Variants in GARRE1 observed in about 807,000 individuals in gnomAD.
The protein encoded by GARRE1 is granule associated Rac and RHOG effector 1.
GARRE1 carries 49 observed loss-of-function variants against 103.2 expected under a neutral mutation model. The ratio of observed to expected loss-of-function variants is 0.47; its 90% confidence interval spans 0.38 to 0.60. GARRE1 has a LOEUF of 0.60. Ranked by LOEUF, GARRE1 falls within the 20% of genes least tolerant of loss-of-function variation. GARRE1 has a pLI of 0.00. For synonymous variants in GARRE1, 505 were observed against 532.8 expected (o/e 0.95, Z 0.72); for missense variants, 1,199 against 1,370.5 (o/e 0.87, Z 1.98).
chr19:34,333,774 G>C lies in GARRE1; in HGVS notation c.1334G>C (p.Arg445Thr). 1 of 1,605,576 alleles carries C rather than the reference G, an allele frequency of 6.2e-7. No individual in the cohort carries two copies. Residue 445 changes from arginine to threonine, a missense_variant, in exon 8 of 14, where the codon AGA (arginine) becomes ACA (threonine). Coordinates refer to ENST00000299505, the MANE Select transcript of GARRE1 (RefSeq NM_014686.5). Reference protein sequence around the residue: ...YAPQISLEGSRIVVQVPSTWC... With the variant: ...YAPQISLEGSTIVVQVPSTWC... ...CCCCAGATCAGTTTAGAAGGCTCTA[G>C]AATCGTGGTTCAAGTCCCATCCACA...
At chr19:34,320,847 C>T (rs1201999169) in intron 3 of GARRE1, among the ~76,000 whole-genome samples, 1 of 150,680 alleles carries the variant, frequency 6.6e-6, no homozygotes, top group African/African-American at 2.4e-5. Context: ...CAGCCTCTTC[C>T]AAGTAGCTGG....
intron 1 of GARRE1, among the ~76,000 whole-genome samples, chr19:34,284,703 C>T (rs1168618495): frequency 6.6e-6 from 1 of 152,140 alleles, no homozygotes; most frequent in Non-Finnish European, 1.5e-5. Context: ...TATTTATTTC[C>T]ATGCAGCATG....
Position 34,341,952 on chromosome 19 carries a change from C to T in GARRE1, c.2018C>T (p.Ser673Phe). 6.2e-7 allele frequency: 1 copy of T among 1,614,212 alleles called. No individual in the cohort carries two copies. ...QGSPLVTRHN[S>F]AATAMVTEQK... Reference sequence around the variant, plus strand: ...TCTCCGTTGGTGACAAGGCATAATTCTGCTGCCACAGCCATGGTGACTGAG... The same window carrying T: ...TCTCCGTTGGTGACAAGGCATAATTTTGCTGCCACAGCCATGGTGACTGAG... The change falls in exon 10 of 14, where the codon TCT becomes TTT. Residue 673 changes from serine (S) to phenylalanine (F), a missense_variant. By Grantham distance (155) the Ser-to-Phe change is radical. Transcript: ENST00000299505.
Position 34,271,593 on chromosome 19 carries a change from G to A in GARRE1, c.-796+16979G>A, listed in dbSNP as rs573421351. Among the ~76,000 whole-genome samples the A allele has an allele frequency of 8.1e-4, 124 of 152,244 alleles. 1 individual carries two copies. Among genetic ancestry groups the A allele is most frequent in the African/African-American group, 2.8e-3 (116 of 41,550 alleles). On this transcript the variant is annotated intron_variant, in intron 1 of 13. Coordinates refer to ENST00000299505, the MANE Select transcript of GARRE1 (RefSeq NM_014686.5). ...AAAGAACTAGGAGCTGGGCGCGGTG[G>A]CTCATGTCTGTAGTACCAGCATTTT...
rs757871755 is a variant in GARRE1, at chr19:34,347,954, G to A, written c.2599G>A (p.Gly867Ser). The A allele has an allele frequency of 6.3e-6, 10 of 1,588,964 alleles. No homozygotes were observed. Among genetic ancestry groups the A allele is most frequent in the East Asian group, 2.3e-5 (1 of 42,854 alleles). ...GCAGCAGAAGCGGCAGGCCCAGCAC[G>A]GTCGCCGGCCAGGCAACCCCCGGGG... ...AMQQKRQAQH[G>S]RRPGNPRGNW... Residue 867 changes from glycine (G) to serine (S), a missense_variant, in exon 11 of 14, where the codon GGT (glycine) becomes AGT (serine). Gly to Ser is a moderately conservative substitution (Grantham distance 56, BLOSUM62 0). Coordinates refer to ENST00000299505, the MANE Select transcript of GARRE1 (RefSeq NM_014686.5).
intron 1 of GARRE1, among the ~76,000 whole-genome samples, chr19:34,272,129 C>T (rs1002267113): frequency 7.2e-5 from 11 of 152,148 alleles, no homozygotes; most frequent in Admixed American, 1.3e-4. Context: ...TGGAATAACA[C>T]CTTAAGTTTG....
At chr19:34,349,888 G>C (rs1247814971) in intron 12 of GARRE1, among the ~76,000 whole-genome samples, 1 of 152,012 alleles carries the variant, frequency 6.6e-6, no homozygotes, top group Non-Finnish European at 1.5e-5. Context: ...GTGGGGGGTG[G>C]CATTGACCAA....
intron 10 of GARRE1, among the ~76,000 whole-genome samples, chr19:34,342,765 C>T (rs932626042): frequency 3.3e-5 from 5 of 152,104 alleles, no homozygotes; most frequent in African/African-American, 1.2e-4. Flanking sequence ...GGCCTGCCTA[C>T]TCCCGGCAGC....
At chr19:34,273,705 C>T (rs1404184188) in intron 1 of GARRE1, among the ~76,000 whole-genome samples, 2 of 152,050 alleles carry the variant, frequency 1.3e-5, no homozygotes, top group Non-Finnish European at 2.9e-5. Flanking sequence ...CAGGGTGTTA[C>T]GGCAGCAGAG....
At chr19:34,338,401 G>A (rs910102248) in intron 8 of GARRE1, among the ~76,000 whole-genome samples, 12 of 152,232 alleles carry the variant, frequency 7.9e-5, no homozygotes, top group Non-Finnish European at 1.6e-4. Flanking sequence ...GCCAGGTGCG[G>A]TGGCACACGC....
intron 1 of GARRE1, among the ~76,000 whole-genome samples, chr19:34,298,772 C>T (rs965196142): frequency 6.6e-6 from 1 of 152,114 alleles, no homozygotes; most frequent in Non-Finnish European, 1.5e-5. Flanking sequence ...CGTATTTGAA[C>T]TTTTGTTTGG....
rs753661647 is a variant in GARRE1, at chr19:34,327,517, C to T, written c.802C>T (p.His268Tyr). The change falls in exon 4 of 14, where the codon CAC (histidine) becomes TAC (tyrosine). Residue 268 changes from histidine (H) to tyrosine (Y), a missense_variant. Transcript: ENST00000299505. Reference sequence around the variant, plus strand: ...TTCTCAAAGTGCAGCAATTCCTGAGCACCAGCTAAAAGAACTGAACATAAA... The same window carrying T: ...TTCTCAAAGTGCAGCAATTCCTGAGTACCAGCTAAAAGAACTGAACATAAA... ...FCSQSAAIPE[H>Y]QLKELNIKID... The T allele has an allele frequency of 3.1e-6, 5 of 1,614,050 alleles. No individual in the cohort carries two copies. The highest frequency in any genetic ancestry group is 1.6e-4 in the Middle Eastern group (1 of 6,062).
At chr19:34,266,442 A>T (rs1446283668) in intron 1 of GARRE1, among the ~76,000 whole-genome samples, 1 of 152,068 alleles carries the variant, frequency 6.6e-6, no homozygotes, top group Non-Finnish European at 1.5e-5. Context: ...GCTCACTGCA[A>T]CCTCTATCTC....
intron 1 of GARRE1, among the ~76,000 whole-genome samples, chr19:34,268,430 C>T (rs2073765783): frequency 6.6e-6 from 1 of 151,402 alleles, no homozygotes; most frequent in Admixed American, 6.6e-5. Context: ...TTTTTTGGCT[C>T]ACAGTGTTCC....
chr19:34,344,417 C>T (rs1263054231), intron 10 of GARRE1, among the ~76,000 whole-genome samples: 1 of 151,658 alleles, frequency 6.6e-6, no homozygotes, highest in Non-Finnish European at 1.5e-5. Flanking sequence ...GGTGAAACCC[C>T]GTCTCTACTA....
intron 2 of GARRE1, among the ~76,000 whole-genome samples, chr19:34,317,499 A>T (rs2145257500): frequency 6.6e-6 from 1 of 152,232 alleles, no homozygotes; most frequent in African/African-American, 2.4e-5. Flanking sequence ...TGTGTCCCTG[A>T]GGAGCCGGCT....
intron 1 of GARRE1, among the ~76,000 whole-genome samples, chr19:34,290,699 G>C (rs1216637634): frequency 1.3e-5 from 2 of 151,778 alleles, no homozygotes; most frequent in Non-Finnish European, 2.9e-5. Context: ...GTGTTGCCCG[G>C]GCTGGTCTTG....
At chr19:34,333,683 T>TC (rs781691451) in intron 7 of GARRE1, 21 bp from the exon 8 acceptor site, 1 of 1,244,882 alleles carries the variant, frequency 8.0e-7, no homozygotes. Context: ...ATTTGTTTTT[T>TC]TTTTTTTTTT....
chr19:34,286,800 C>CT (rs1218040573), intron 1 of GARRE1, among the ~76,000 whole-genome samples: 1 of 152,146 alleles, frequency 6.6e-6, no homozygotes, highest in Non-Finnish European at 1.5e-5. Context: ...CATGTCCGGC[C>CT]TTTGTGTATT....
Sources: allele counts gnomAD v4.1 joint callset (sites outside exome capture counted in the v4.1 genomes callset), GRCh38; gene constraint gnomAD v4.1.1; transcripts MANE v1.5; gene names NCBI Gene and HGNC (gene_info 2026-07-23, HGNC 2026-07-21).